Variants in GNL3L observed in about 807,000 individuals in gnomAD.
GNL3L encodes the protein G protein nucleolar 3 like, also known as guanine nucleotide-binding protein-like 3-like protein.
Under a neutral mutation model 42.9 loss-of-function variants are expected in GNL3L, and 4 were observed. The observed-to-expected ratio is 0.09, with a 90% confidence interval of 0.05 to 0.21. The LOEUF (loss-of-function observed/expected upper bound fraction) is 0.21, where lower values mean the gene tolerates loss of function less well. Among genes scored for constraint, GNL3L ranks in the 10% least tolerant of loss-of-function variants. The pLI is 1.00. For synonymous variants in GNL3L, 159 were observed against 176.3 expected (o/e 0.90, Z 0.78); for missense variants, 412 against 481.7 (o/e 0.86, Z 1.36).
At chrX:54,595,601 T>A (rs376460402) in intron 16 of GNL3L, among the ~76,000 whole-genome samples, 1 of 111,918 alleles carries the variant, frequency 8.9e-6, no homozygotes, top group East Asian at 2.8e-4. Context: ...AGTTCTCTGT[T>A]ATCCCTTTGA....
chrX:54,590,909 C>T (rs1456930128), intron 16 of GNL3L, among the ~76,000 whole-genome samples: 1 of 110,761 alleles, frequency 9.0e-6, no homozygotes, highest in East Asian at 2.8e-4. Context: ...CGGCTCGCTG[C>T]AACCTCTGCC....
chrX:54,604,290 G>A (rs1026480323), intron 16 of GNL3L, among the ~76,000 whole-genome samples: 1 of 111,952 alleles, frequency 8.9e-6, no homozygotes, highest in Non-Finnish European at 1.9e-5. Flanking sequence ...TCATTATACT[G>A]TAGTACGAAT....
chrX:54,612,105 G>A (rs955286616), intron 16 of GNL3L, among the ~76,000 whole-genome samples: 4 of 111,860 alleles, frequency 3.6e-5, no homozygotes, highest in African/African-American at 1.3e-4. Flanking sequence ...GGGGTCTCCA[G>A]TGTTAGGTGC....
chrX:54,556,010 C>T (rs1925084810), intron 14 of GNL3L, among the ~76,000 whole-genome samples: 1 of 110,516 alleles, frequency 9.0e-6, no homozygotes, highest in African/African-American at 3.3e-5. Flanking sequence ...GTTTCAGACA[C>T]AGACATCCGC....
chrX:54,568,582 C>T (rs775553880), downstream of GNL3L, among the ~76,000 whole-genome samples: 37 of 105,755 alleles, frequency 3.5e-4, 1 homozygote, highest in South Asian at 0.016. Flanking sequence ...GACGGAGTCT[C>T]ACACACTGTC....
intron 5 of GNL3L, among the ~76,000 whole-genome samples, chrX:54,541,862 G>T (rs1449293778): frequency 9.0e-6 from 1 of 111,510 alleles, no homozygotes; most frequent in Non-Finnish European, 1.9e-5. Flanking sequence ...CTGATATGCA[G>T]TGTGTATGCC....
intron 8 of GNL3L, among the ~76,000 whole-genome samples, chrX:54,545,512 T>C (rs1174102257): frequency 8.9e-6 from 1 of 111,743 alleles, no homozygotes; most frequent in Non-Finnish European, 1.9e-5. Flanking sequence ...AACCAACTAC[T>C]TGTTAACTTT....
chrX:54,537,453 A>G (rs1358467243), intron 2 of GNL3L, among the ~76,000 whole-genome samples: 1 of 111,296 alleles, frequency 9.0e-6, no homozygotes, highest in East Asian at 2.8e-4. Context: ...CTCTTTCAGG[A>G]ACTCCTGTTT....
At position 54,554,626 on chromosome X, in the gene GNL3L, C is replaced by A. The variant is rs775469447; in HGVS notation, c.1380C>A (p.Ile460=). The change falls in exon 14 of 16, where the codon ATC becomes ATA. Residue 460 remains isoleucine (I), a synonymous_variant. Coordinates refer to ENST00000360845, the MANE Select transcript of GNL3L (RefSeq NM_001184819.2). ...LGDTDPLEME[I]KLLHSPMTKI... ...ACACGGACCCACTTGAAATGGAGAT[C>A]AAGTTGCTCCATTCTCCGATGACGA... 1.3e-5 allele frequency: 15 copies of A among 1,196,270 alleles called. No individual in the cohort carries two copies. Among genetic ancestry groups the A allele is most frequent in the Non-Finnish European group, 1.7e-5 (15 of 881,651 alleles).
At chrX:54,580,258 T>C (rs1435411903) in intron 16 of GNL3L, among the ~76,000 whole-genome samples, 1 of 103,747 alleles carries the variant, frequency 9.6e-6, no homozygotes, top group East Asian at 3.1e-4. Context: ...GTTTGGTTTT[T>C]TGTCCTTGAG....
intron 14 of GNL3L, among the ~76,000 whole-genome samples, chrX:54,556,517 G>T: frequency 9.0e-6 from 1 of 110,850 alleles, no homozygotes; most frequent in East Asian, 2.9e-4. Context: ...ATCAAGCCAC[G>T]TCTTGAAACC....
chrX:54,546,545 G>A (rs1924777751), intron 8 of GNL3L, among the ~76,000 whole-genome samples: 1 of 112,157 alleles, frequency 8.9e-6, no homozygotes, highest in Non-Finnish European at 1.9e-5. Context: ...TGTGTGAGAG[G>A]CCTCTTTTCC....
intron 8 of GNL3L, among the ~76,000 whole-genome samples, chrX:54,545,104 C>T (rs925022759): frequency 8.1e-5 from 9 of 111,492 alleles, no homozygotes; most frequent in African/African-American, 2.0e-4. Flanking sequence ...TTAGTAGACA[C>T]GGGGTTTCGC....
chrX:54,634,310 C>CT, the GNL3L span, among the ~76,000 whole-genome samples: 1 of 109,971 alleles, frequency 9.1e-6, no homozygotes, highest in Non-Finnish European at 1.9e-5. Context: ...TTTTCCTTTC[C>CT]TTTTTTTTGA....
At chrX:54,549,123 T>G (rs1924856534) in intron 9 of GNL3L, among the ~76,000 whole-genome samples, 1 of 111,438 alleles carries the variant, frequency 9.0e-6, no homozygotes, top group Admixed American at 9.5e-5. Context: ...ACATGTTTTC[T>G]CAAAGAATGA....
intron 16 of GNL3L, among the ~76,000 whole-genome samples, chrX:54,616,229 GTTC>G (rs1926218819): frequency 1.8e-5 from 2 of 113,023 alleles, no homozygotes; most frequent in South Asian, 3.6e-4. Flanking sequence ...TACAGAAAGG[GTTC>G]TTCTTCAAAC....
chrX:54,536,618 C>G (rs1031084363), intron 2 of GNL3L, among the ~76,000 whole-genome samples: 6 of 108,969 alleles, frequency 5.5e-5, no homozygotes, highest in Non-Finnish European at 1.1e-4. Context: ...AACCCCGTCT[C>G]TACTAAAAAT....
At chrX:54,598,233 G>A (rs1369473416) in intron 16 of GNL3L, among the ~76,000 whole-genome samples, 1 of 110,601 alleles carries the variant, frequency 9.0e-6, no homozygotes, top group Non-Finnish European at 1.9e-5. Flanking sequence ...GCCTTCCTCT[G>A]TCAACAAATT....
chrX:54,639,772 G>A, the GNL3L span, among the ~76,000 whole-genome samples: 26 of 112,042 alleles, frequency 2.3e-4, no homozygotes, highest in Non-Finnish European at 4.0e-4. Flanking sequence ...GGGCGCATGC[G>A]AACCATTGAC....
Sources: allele counts gnomAD v4.1 joint callset (sites outside exome capture counted in the v4.1 genomes callset), GRCh38; gene constraint gnomAD v4.1.1; transcripts MANE v1.5; gene names NCBI Gene and HGNC (gene_info 2026-07-23, HGNC 2026-07-21).